Variants in ADAMTS3 observed in about 807,000 individuals in gnomAD.
ADAMTS3 encodes ADAM metallopeptidase with thrombospondin type 1 motif 3, also known as A disintegrin and metalloproteinase with thrombospondin motifs 3.
ADAMTS3 carries 73 observed loss-of-function variants against 129.0 expected under a neutral mutation model. The observed-to-expected ratio is 0.57, with a 90% CI of 0.47 to 0.69. ADAMTS3 has a LOEUF of 0.69. Ranked by LOEUF, ADAMTS3 falls within the 30% of genes least tolerant of loss-of-function variation. The pLI, the probability that ADAMTS3 is intolerant of heterozygous loss-of-function variation, is 0.00. For missense variants in ADAMTS3, 1,457 were observed against 1,514.5 expected (o/e 0.96, Z 0.63); for synonymous variants, 477 against 510.8 (o/e 0.93, Z 0.89).
At chr4:72,328,788 A>G (rs970449824) in intron 5 of ADAMTS3, among the ~76,000 whole-genome samples, 2 of 152,222 alleles carry the variant, frequency 1.3e-5, no homozygotes, top group Non-Finnish European at 2.9e-5. Flanking sequence ...ACTTTTGTAT[A>G]ACTGAAAGTA....
chr4:72,492,675 A>G (rs1480796781), intron 3 of ADAMTS3, among the ~76,000 whole-genome samples: 2 of 151,778 alleles, frequency 1.3e-5, no homozygotes, highest in African/African-American at 4.8e-5. Context: ...TGTACTGAAA[A>G]GTTCTGTTGC....
chr4:72,323,996 C>T (rs1719633716), intron 5 of ADAMTS3, among the ~76,000 whole-genome samples: 1 of 151,228 alleles, frequency 6.6e-6, no homozygotes, highest in African/African-American at 2.5e-5. Flanking sequence ...AAAATTAGTG[C>T]AAATAAAAAA....
At chr4:72,322,674 G>T (rs1418384861) in intron 6 of ADAMTS3, among the ~76,000 whole-genome samples, 2 of 152,068 alleles carry the variant, frequency 1.3e-5, no homozygotes, top group African/African-American at 4.8e-5. Flanking sequence ...ATGAATAAAT[G>T]AAACACACAC....
chr4:72,383,960 AC>A (rs2109882836), intron 4 of ADAMTS3, among the ~76,000 whole-genome samples: 1 of 152,122 alleles, frequency 6.6e-6, no homozygotes, highest in East Asian at 1.9e-4. Flanking sequence ...GAAAAGCTCA[AC>A]AGACAATTAA....
At position 72,282,076 on chromosome 4, in the gene ADAMTS3, A is replaced by G. The variant is rs1281919475; in HGVS notation, c.*1060T>C. On this transcript the variant is annotated 3_prime_UTR_variant, in exon 22 of 22. Coordinates refer to ENST00000286657, the MANE Select transcript of ADAMTS3 (RefSeq NM_014243.3). ...AGCCCCAAAGCTCTACTATACTCAA[A>G]TATCAATTCTAGACTGATGATATTT... is the stretch of plus-strand genomic sequence containing the variant. 2 of 152,202 alleles carry G rather than the reference A, an allele frequency of 1.3e-5. No individual in the cohort carries two copies. The highest frequency in any genetic ancestry group is 4.8e-5 in the African/African-American group (2 of 41,460). 9.4% of individuals were successfully genotyped at this position (152,202 alleles called of 1,614,324 possible).
At chr4:72,479,697 A>T (rs987673626) in intron 3 of ADAMTS3, among the ~76,000 whole-genome samples, 1 of 152,202 alleles carries the variant, frequency 6.6e-6, no homozygotes, top group Non-Finnish European at 1.5e-5. Context: ...AACAAATGGG[A>T]TCTCATTAAA....
intron 4 of ADAMTS3, among the ~76,000 whole-genome samples, 168 bp from the exon 5 acceptor site, chr4:72,339,861 C>G (rs146165010): frequency 1.3e-5 from 2 of 152,156 alleles, no homozygotes; most frequent in African/African-American, 2.4e-5. Context: ...TACGATCAGA[C>G]AGACCTGCTA....
chr4:72,374,598 C>G (rs1328250409), intron 4 of ADAMTS3, among the ~76,000 whole-genome samples: 1 of 151,932 alleles, frequency 6.6e-6, no homozygotes, highest in East Asian at 1.9e-4. Flanking sequence ...ATATTTTTTT[C>G]CTTACACTAA....
At chr4:72,302,929 A>C (rs1216697935) in intron 17 of ADAMTS3, among the ~76,000 whole-genome samples, 1 of 152,102 alleles carries the variant, frequency 6.6e-6, no homozygotes, top group East Asian at 1.9e-4. Flanking sequence ...TGAGGCTGAG[A>C]TCTGTTAGCT....
At chr4:72,530,461 A>AT (rs1441265898) in intron 3 of ADAMTS3, among the ~76,000 whole-genome samples, 2 of 31,744 alleles carry the variant, frequency 6.3e-5, no homozygotes, top group Admixed American at 5.0e-4. Context: ...ATTATATATT[A>AT]AATATATTAA....
intron 2 of ADAMTS3, among the ~76,000 whole-genome samples, chr4:72,564,935 C>A (rs189969527): frequency 1.7e-4 from 26 of 152,248 alleles, no homozygotes; most frequent in African/African-American, 6.3e-4. Flanking sequence ...TGTTAGAAGT[C>A]AGGAGAGCAG....
In ADAMTS3 at chr4:72,509,473, T is replaced by C. The variant is rs532407064; in HGVS notation, c.504+39005A>G. Among the ~76,000 whole-genome samples the C allele has an allele frequency of 2.7e-5, 4 of 150,364 alleles. No homozygotes were observed. In the East Asian group the frequency reaches 7.7e-4, roughly 29 times the overall value. On this transcript the variant is annotated intron_variant, in intron 3 of 21. Coordinates refer to ENST00000286657, the MANE Select transcript of ADAMTS3 (RefSeq NM_014243.3). ...GTGCAGAAATTCAAAGGATCATTAA[T>C]GGCTGCCATGAGCAACTATGTGCCA...
intron 3 of ADAMTS3, among the ~76,000 whole-genome samples, chr4:72,430,609 C>T (rs966291903): frequency 2.0e-5 from 3 of 151,904 alleles, no homozygotes; most frequent in African/African-American, 7.2e-5. Context: ...ATACAAAATC[C>T]ATGAACATAG....
At chr4:72,474,452 A>G (rs1261052614) in intron 3 of ADAMTS3, among the ~76,000 whole-genome samples, 1 of 152,184 alleles carries the variant, frequency 6.6e-6, no homozygotes, top group Non-Finnish European at 1.5e-5. Context: ...AGCAGAATAA[A>G]TGGACAGAGA....
At chr4:72,485,755 G>A (rs184267120) in intron 3 of ADAMTS3, among the ~76,000 whole-genome samples, 203 of 152,236 alleles carry the variant, frequency 1.3e-3, no homozygotes, top group African/African-American at 4.7e-3. Context: ...AAATTCATAC[G>A]TTGAAACCTA....
intron 20 of ADAMTS3, 34 bp downstream of exon 20, chr4:72,290,821 T>G: frequency 6.3e-7 from 1 of 1,599,822 alleles, no homozygotes; most frequent in Non-Finnish European, 8.6e-7. Context: ...ACACACACAC[T>G]TTACTTATGC....
At chr4:72,551,960 G>A (rs1252514249) in intron 2 of ADAMTS3, among the ~76,000 whole-genome samples, 1 of 152,156 alleles carries the variant, frequency 6.6e-6, no homozygotes, top group Non-Finnish European at 1.5e-5. Context: ...CTCTAGTGTA[G>A]CATCAGAAAT....
At chr4:72,290,537 A>G (rs904790620) in intron 20 of ADAMTS3, among the ~76,000 whole-genome samples, 2 of 152,192 alleles carry the variant, frequency 1.3e-5, no homozygotes, top group African/African-American at 4.8e-5. Flanking sequence ...TGCAGTGCCA[A>G]ATGGTGCTGG....
chr4:72,319,900 C>G lies in ADAMTS3; in HGVS notation c.1166G>C (p.Gly389Ala). ...VRSCTLNHED[G>A]FSSAFVVAHE... ...GGCTACTACAAAAGCAGATGAAAAA[C>G]CATCCTCATGATTCAGGGTACAACT... Residue 389 changes from glycine to alanine, a missense_variant, in exon 8 of 22, where the codon GGT (glycine) becomes GCT (alanine). Transcript: ENST00000286657. 1 of 1,613,938 alleles carries G rather than the reference C, an allele frequency of 6.2e-7. No homozygotes were observed. The highest frequency in any genetic ancestry group is 8.5e-7 in the Non-Finnish European group (1 of 1,179,922).
Sources: gnomAD v4.1 joint callset for allele counts (sites outside exome capture counted in the v4.1 genomes callset) on GRCh38, gnomAD v4.1.1 for gene constraint, MANE v1.5 for transcripts, NCBI Gene and HGNC (gene_info 2026-07-23, HGNC 2026-07-21) for gene names.